Variants in TBCE observed in about 807,000 individuals in gnomAD.
TBCE encodes the protein tubulin-specific chaperone E.
Under a neutral mutation model 77.0 loss-of-function variants are expected in TBCE, and 53 were observed. That is an observed-to-expected ratio of 0.69 (90% CI 0.55 to 0.87). The LOEUF (loss-of-function observed/expected upper bound fraction) is 0.87, where lower values mean the gene tolerates loss of function less well. Among genes scored for constraint, TBCE ranks in the 40% least tolerant of loss-of-function variants. The probability of loss-of-function intolerance (pLI) is 0.00; values close to 1 mark genes in which losing one functional copy is unlikely to be tolerated. For synonymous variants in TBCE, 235 were observed against 241.3 expected, an observed-to-expected ratio of 0.97 and a Z score of 0.24; for missense variants, 624 against 622.4, an observed-to-expected ratio of 1.00 and a Z score of -0.03.
chr1:235,446,485 A>G (rs1378978936), intron 15 of TBCE, among the ~76,000 whole-genome samples: 2 of 151,918 alleles, frequency 1.3e-5, no homozygotes, highest in African/African-American at 4.8e-5. Flanking sequence ...CTTAAAACCT[A>G]TACATCCTTA....
At chr1:235,421,895 G>A (rs1487055743) in intron 5 of TBCE, among the ~76,000 whole-genome samples, 2 of 152,178 alleles carry the variant, frequency 1.3e-5, no homozygotes, top group Admixed American at 6.5e-5. Context: ...AAAATGCCCC[G>A]ACAGTGCAGT....
intron 6 of TBCE, among the ~76,000 whole-genome samples, chr1:235,428,638 T>TATTTATTC (rs1680883159): frequency 1.7e-5 from 2 of 114,760 alleles, no homozygotes; most frequent in Non-Finnish European, 3.6e-5. Flanking sequence ...ACACTTTATT[T>TATTTATTC]ATTTATTTAT....
chr1:235,427,161 C>T lies in TBCE; in HGVS notation c.482C>T (p.Ser161Leu), dbSNP rs1321117463. ...ACPNIRKVDL[S>L]KNLLSSWDEV... ...TTAGATATCAGAAAGGTAGATTTGTCAAAAAACCTGTTGTCATCATGGGAT... is the reference window on the plus strand; with the variant it reads ...TTAGATATCAGAAAGGTAGATTTGTTAAAAAACCTGTTGTCATCATGGGAT... The change falls in exon 6 of 17, where the codon TCA becomes TTA. Residue 161 changes from serine (S) to leucine (L), a missense_variant. Ser to Leu is a moderately radical substitution (Grantham distance 145). Coordinates refer to ENST00000642610, the MANE Select transcript of TBCE (RefSeq NM_003193.5). 2 of 1,613,666 alleles carry T rather than the reference C, an allele frequency of 1.2e-6. No homozygotes were observed. The highest frequency in any genetic ancestry group is 8.5e-7 in the Non-Finnish European group (1 of 1,179,700).
At chr1:235,382,577 A>AT (rs1189289982) in intron 2 of TBCE, among the ~76,000 whole-genome samples, 1 of 151,750 alleles carries the variant, frequency 6.6e-6, no homozygotes, top group Non-Finnish European at 1.5e-5. Context: ...GATGGTGAGC[A>AT]TTTTTTCATG....
At chr1:235,437,159 C>T (rs1334191274) in intron 11 of TBCE, among the ~76,000 whole-genome samples, 163 bp from the exon 12 acceptor site, 2 of 151,898 alleles carry the variant, frequency 1.3e-5, no homozygotes, top group African/African-American at 4.8e-5. Flanking sequence ...CAAAAAACAA[C>T]AGTAAAAGTA....
chr1:235,450,088 G>T lies in TBCE; in HGVS notation c.*1326G>T. On this transcript the variant is annotated 3_prime_UTR_variant, in exon 17 of 17. Transcript: ENST00000642610. ...GCATTGGTTCTGGGTGAAAGTGCCA[G>T]TCTGGAACTCTCTTGAAAGACCATA... 1 of 1,283,766 alleles carries T rather than the reference G, an allele frequency of 7.8e-7. No homozygotes were observed. The highest frequency in any genetic ancestry group is 1.1e-6 in the Non-Finnish European group (1 of 916,608). The allele number at this position is 1,283,766 out of a possible 1,614,324, so 79.5% of individuals were successfully genotyped here.
chr1:235,416,176 A>AAG (rs1461524389), intron 4 of TBCE: 3 of 149,188 alleles, frequency 2.0e-5, no homozygotes, highest in African/African-American at 7.6e-5. Flanking sequence ...CTCAAAAAAA[A>AAG]AAAAAAAAAA....
chr1:235,417,285 G>A (rs1194402992), intron 4 of TBCE, among the ~76,000 whole-genome samples: 1 of 152,190 alleles, frequency 6.6e-6, no homozygotes, highest in Non-Finnish European at 1.5e-5. Flanking sequence ...GGGAAGGAGC[G>A]ACATCTGTCG....
intron 3 of TBCE, among the ~76,000 whole-genome samples, chr1:235,406,738 G>A (rs932273387): frequency 2.6e-5 from 4 of 151,902 alleles, no homozygotes; most frequent in African/African-American, 7.2e-5. Flanking sequence ...CACCATATTG[G>A]CCAGACTGGT....
intron 3 of TBCE, among the ~76,000 whole-genome samples, chr1:235,413,634 G>T (rs9662392): frequency 0.5 from 74,384 of 149,136 alleles, 18,922 homozygotes; most frequent in East Asian, 0.65. Context: ...CTGCACTCCA[G>T]TCTGGGCAAT....
intron 2 of TBCE, among the ~76,000 whole-genome samples, chr1:235,387,819 G>A (rs374881600): frequency 4.6e-5 from 7 of 152,240 alleles, no homozygotes; most frequent in South Asian, 2.1e-4. Context: ...CTTGGATCTC[G>A]TGCAAGAAAG....
At chr1:235,385,848 C>G (rs1238625572) in intron 2 of TBCE, among the ~76,000 whole-genome samples, 5 of 152,016 alleles carry the variant, frequency 3.3e-5, no homozygotes, top group South Asian at 2.1e-4. Flanking sequence ...GTGTGAATTT[C>G]ATCCTGTCAT....
At chr1:235,406,879 G>A (rs1317348341) in intron 3 of TBCE, among the ~76,000 whole-genome samples, 1 of 144,018 alleles carries the variant, frequency 6.9e-6, no homozygotes, top group Non-Finnish European at 1.5e-5. Flanking sequence ...TTGTTGCCCA[G>A]GCTGGAGTGC....
At chr1:235,395,941 C>T (rs1678692958) in intron 2 of TBCE, among the ~76,000 whole-genome samples, 2 of 152,242 alleles carry the variant, frequency 1.3e-5, no homozygotes, top group South Asian at 4.1e-4. Flanking sequence ...CTGTGCTTGA[C>T]TTATTTCATT....
intron 12 of TBCE, among the ~76,000 whole-genome samples, chr1:235,438,343 C>T (rs1572435639): frequency 6.6e-6 from 1 of 152,100 alleles, no homozygotes; most frequent in Non-Finnish European, 1.5e-5. Context: ...GTCAGGAGAT[C>T]GAGACCATCC....
At position 235,448,860 on chromosome 1, in the gene TBCE, G is replaced by A. The variant is rs1027421692; in HGVS notation, c.*98G>A. The A allele has an allele frequency of 2.1e-6, 2 of 942,266 alleles. No individual in the cohort carries two copies. Among genetic ancestry groups the A allele is most frequent in the Non-Finnish European group, 3.4e-6 (2 of 593,382 alleles). The allele number at this position is 942,266 out of a possible 1,614,324, so 58.4% of individuals were successfully genotyped here. On this transcript the variant is annotated 3_prime_UTR_variant, in exon 17 of 17. Transcript: ENST00000642610. Reference sequence around the variant, plus strand: ...GGAACAATTCTACTGTCAAAACAAAGGGGGTTTACAACTTGTCCTAAGTAT... The same window carrying A: ...GGAACAATTCTACTGTCAAAACAAAAGGGGTTTACAACTTGTCCTAAGTAT...
chr1:235,451,096 G>A lies in TBCE; in HGVS notation c.*2334G>A, dbSNP rs2102964125. 6.6e-6 allele frequency: 1 copy of A among 152,356 alleles called. No individual in the cohort carries two copies. The allele number at this position is 152,356 out of a possible 1,614,324, so 9.4% of individuals were successfully genotyped here. ...AGCCTGTGCCTTGAAGGCAGCTGCT[G>A]ATCCTTGGGTTTGGAAGGCCAAGCC... On this transcript the variant is annotated 3_prime_UTR_variant, in exon 17 of 17. Transcript: ENST00000642610.
chr1:235,422,612 C>G (rs1161013975), intron 5 of TBCE, among the ~76,000 whole-genome samples: 2 of 151,972 alleles, frequency 1.3e-5, no homozygotes, highest in African/African-American at 2.4e-5. Flanking sequence ...GGTGGATCAC[C>G]TAAGGTCAGG....
intron 3 of TBCE, among the ~76,000 whole-genome samples, chr1:235,409,231 A>G (rs1679636184): frequency 6.6e-6 from 1 of 152,166 alleles, no homozygotes; most frequent in South Asian, 2.1e-4. Context: ...TTTTACCAGC[A>G]GCATGTGTAA....
Sources: allele counts gnomAD v4.1 joint callset (sites outside exome capture counted in the v4.1 genomes callset), GRCh38; gene constraint gnomAD v4.1.1; transcripts MANE v1.5; gene names NCBI Gene and HGNC (gene_info 2026-07-23, HGNC 2026-07-21).